Variants in LTBP1 observed in about 807,000 individuals in gnomAD.
LTBP1 encodes the protein latent-transforming growth factor beta-binding protein 1.
In LTBP1, 129 loss-of-function variants were observed where a neutral mutation model predicts 207.6. That is an observed-to-expected ratio of 0.62 (90% confidence interval 0.54 to 0.72). The LOEUF is 0.72. LTBP1 is among the 30% of genes least tolerant of loss of function. The pLI is 0.00. For synonymous variants in LTBP1, 963 were observed against 833.7 expected, an observed-to-expected ratio of 1.16 and a Z score of -2.67; for missense variants, 2,281 against 2,217.2, an observed-to-expected ratio of 1.03 and a Z score of -0.58.
At chr2:32,973,136 C>A (rs1485785084) in intron 2 of LTBP1, among the ~76,000 whole-genome samples, 1 of 151,962 alleles carries the variant, frequency 6.6e-6, no homozygotes, top group South Asian at 2.1e-4. Context: ...GTTGAGACTT[C>A]TGTGGATGTC....
At chr2:33,091,902 A>G (rs1424324523) in intron 3 of LTBP1, among the ~76,000 whole-genome samples, 1 of 151,934 alleles carries the variant, frequency 6.6e-6, no homozygotes, top group African/African-American at 2.4e-5. Flanking sequence ...ATGTTCCCTG[A>G]TTGGGGCCTC....
At chr2:32,973,082 T>C (rs1308730505) in intron 2 of LTBP1, among the ~76,000 whole-genome samples, 1 of 151,824 alleles carries the variant, frequency 6.6e-6, no homozygotes, top group Admixed American at 6.6e-5. Flanking sequence ...TTAGAGTATG[T>C]GCCATGTGAA....
rs1344899354 is a variant in LTBP1 at position 33,397,295 on chromosome 2, T to A, written c.4984+13T>A. The A allele has an allele frequency of 9.9e-6, 16 of 1,613,652 alleles. No individual in the cohort carries two copies. The highest frequency in any genetic ancestry group is 1.4e-5 in the Non-Finnish European group (16 of 1,179,776). Reference sequence around the variant, plus strand: ...ATGACCTGTGTCGGTAAGAATGACGTGTGTTTTATGGGACATTAATTTTTT... The same window carrying A: ...ATGACCTGTGTCGGTAAGAATGACGAGTGTTTTATGGGACATTAATTTTTT... On this transcript the variant is annotated intron_variant, in intron 33 of 33. Coordinates refer to ENST00000404816, the MANE Select transcript of LTBP1 (RefSeq NM_206943.4).
intron 20 of LTBP1, among the ~76,000 whole-genome samples, chr2:33,300,000 G>A (rs988267098): frequency 1.3e-5 from 2 of 152,124 alleles, no homozygotes; most frequent in Admixed American, 6.5e-5. Flanking sequence ...TCAACTTCTA[G>A]ACAAAGTAGA....
At chr2:33,215,168 A>G (rs1393750408) in intron 7 of LTBP1, among the ~76,000 whole-genome samples, 1 of 152,166 alleles carries the variant, frequency 6.6e-6, no homozygotes, top group Non-Finnish European at 1.5e-5. Flanking sequence ...GATAATGGTA[A>G]TGATAGCTGA....
At chr2:33,032,058 G>A (rs1248149579) in intron 3 of LTBP1, among the ~76,000 whole-genome samples, 1 of 152,184 alleles carries the variant, frequency 6.6e-6, no homozygotes, top group Admixed American at 6.5e-5. Context: ...GATTCAGACT[G>A]CCAGTCAAGA....
At chr2:33,389,747 C>G (rs749336494) in intron 32 of LTBP1, among the ~76,000 whole-genome samples, 42 of 152,196 alleles carry the variant, frequency 2.8e-4, no homozygotes, top group Non-Finnish European at 5.3e-4. Context: ...TCAAGCGATT[C>G]TGCTGCCTCA....
chr2:33,298,350 C>T (rs768738925), intron 20 of LTBP1, among the ~76,000 whole-genome samples: 1 of 152,140 alleles, frequency 6.6e-6, no homozygotes, highest in Non-Finnish European at 1.5e-5. Flanking sequence ...GAGTCAGTTA[C>T]GTAAGATGTC....
Position 33,130,706 on chromosome 2 carries a change from A to G in LTBP1, c.1034-4087A>G, listed in dbSNP as rs546826319. On this transcript the variant is annotated intron_variant, in intron 4 of 33. Coordinates refer to ENST00000404816, the MANE Select transcript of LTBP1 (RefSeq NM_206943.4). ...CCTCTTCTTGGAGGTATAAATTTGCACAGGGTCTGGCAGACGCTGCAGACA... is the reference window on the plus strand; with the variant it reads ...CCTCTTCTTGGAGGTATAAATTTGCGCAGGGTCTGGCAGACGCTGCAGACA... Among the ~76,000 whole-genome samples, 9 of 152,140 alleles carry G rather than the reference A, an allele frequency of 5.9e-5. No individual in the cohort carries two copies. In the South Asian group the frequency reaches 1.9e-3, roughly 32 times the overall value.
chr2:33,284,165 A>T (rs1393310542), intron 19 of LTBP1, among the ~76,000 whole-genome samples: 1 of 152,210 alleles, frequency 6.6e-6, no homozygotes, highest in East Asian at 1.9e-4. Flanking sequence ...TGTAAGCTGG[A>T]TCTTACTGAT....
intron 3 of LTBP1, among the ~76,000 whole-genome samples, chr2:33,089,155 CAAAAAAAAA>C (rs61009791): frequency 3.1e-5 from 3 of 96,400 alleles, no homozygotes; most frequent in East Asian, 3.3e-4. Context: ...GACTCAGTCT[CAAAAAAAAA>C]AAAAAAAAGA....
chr2:33,286,888 A>G (rs2093676316), intron 19 of LTBP1, among the ~76,000 whole-genome samples: 1 of 152,172 alleles, frequency 6.6e-6, no homozygotes, highest in African/African-American at 2.4e-5. Context: ...CAATGAGAAC[A>G]CATGGACACA....
chr2:33,225,131 T>G (rs2091358006), intron 9 of LTBP1, among the ~76,000 whole-genome samples: 1 of 152,212 alleles, frequency 6.6e-6, no homozygotes, highest in South Asian at 2.1e-4. Context: ...TCCTTTTATT[T>G]TTTATCAGCA....
intron 5 of LTBP1, among the ~76,000 whole-genome samples, chr2:33,140,962 T>G (rs1394596416): frequency 6.6e-6 from 1 of 152,206 alleles, no homozygotes; most frequent in Non-Finnish European, 1.5e-5. Flanking sequence ...CCACGCCCGG[T>G]CTTTTCCTTT....
At chr2:32,956,932 G>C (rs1678171157) in intron 2 of LTBP1, among the ~76,000 whole-genome samples, 1 of 152,190 alleles carries the variant, frequency 6.6e-6, no homozygotes, top group African/African-American at 2.4e-5. Context: ...AGGTGACCAG[G>C]TGCATAGTCA....
chr2:33,343,410 CAAAA>C (rs60879811), intron 25 of LTBP1, among the ~76,000 whole-genome samples: 2 of 97,238 alleles, frequency 2.1e-5, no homozygotes, highest in Non-Finnish European at 2.3e-5. Flanking sequence ...GACCCTGTCT[CAAAA>C]AAAAAAAAAA....
chr2:33,210,734 T>C (rs1229950039), intron 7 of LTBP1, among the ~76,000 whole-genome samples: 1 of 152,208 alleles, frequency 6.6e-6, no homozygotes, highest in African/African-American at 2.4e-5. Flanking sequence ...CCTTCCCCTG[T>C]CTTTACCCTC....
At chr2:32,948,531 C>T (rs1572767719) in intron 1 of LTBP1, among the ~76,000 whole-genome samples, 1 of 152,156 alleles carries the variant, frequency 6.6e-6, no homozygotes, top group East Asian at 1.9e-4. Context: ...CTCTGAAACT[C>T]ATTTCCAATT....
At chr2:33,082,268 A>T (rs2078453953) in intron 3 of LTBP1, among the ~76,000 whole-genome samples, 3 of 151,970 alleles carry the variant, frequency 2.0e-5, no homozygotes, top group Admixed American at 1.3e-4. Flanking sequence ...CAGCCCCTTG[A>T]TCTTGGACTT....
Sources: allele counts gnomAD v4.1 joint callset (sites outside exome capture counted in the v4.1 genomes callset), GRCh38; gene constraint gnomAD v4.1.1; transcripts MANE v1.5; gene names NCBI Gene and HGNC (gene_info 2026-07-23, HGNC 2026-07-21).